The following SPMIP4 variants were observed in gnomAD, a reference collection of about 807,000 sequenced individuals.
The protein encoded by SPMIP4 is sperm microtubule inner protein 4.
chr7:25,153,774 A>G, the SPMIP4 span, among the ~76,000 whole-genome samples: 25 of 152,176 alleles, frequency 1.6e-4, no homozygotes, highest in Admixed American at 5.9e-4. Flanking sequence ...GTTCTTTTGC[A>G]TGGCACCATC....
At chr7:25,174,434 G>C in the SPMIP4 span, among the ~76,000 whole-genome samples, 2 of 152,156 alleles carry the variant, frequency 1.3e-5, no homozygotes, top group African/African-American at 4.8e-5. The surrounding 1 kb of genome is among the most constrained non-coding windows in gnomAD (Gnocchi z 4.5). Context: ...CTATAGATGA[G>C]CCAGTATTTC....
At chr7:25,133,032 T>C in the SPMIP4 span, among the ~76,000 whole-genome samples, 39 of 152,316 alleles carry the variant, frequency 2.6e-4, no homozygotes, top group East Asian at 7.5e-3. Context: ...TAGTAAAATA[T>C]CACTTTTTGC....
the SPMIP4 span, chr7:25,155,040 G>C: frequency 6.2e-7 from 1 of 1,613,994 alleles, no homozygotes; most frequent in Non-Finnish European, 8.5e-7. Flanking sequence ...TGAATCATAA[G>C]CCTTGGTTGG....
At chr7:25,130,529 G>A in the SPMIP4 span, among the ~76,000 whole-genome samples, 1 of 152,016 alleles carries the variant, frequency 6.6e-6, no homozygotes, top group Non-Finnish European at 1.5e-5. Flanking sequence ...AGCCAGACTG[G>A]TCTTGAACTC....
At chr7:25,173,511 G>GA in the SPMIP4 span, among the ~76,000 whole-genome samples, 1 of 152,160 alleles carries the variant, frequency 6.6e-6, no homozygotes, top group Non-Finnish European at 1.5e-5. This position sits in a 1 kb window ranked among gnomAD's most constrained non-coding sequence, Gnocchi z 4.4. Context: ...GCTCTTTACA[G>GA]AAAAAAAGTT....
the SPMIP4 span, among the ~76,000 whole-genome samples, chr7:25,138,229 T>C: frequency 1.2e-4 from 19 of 152,236 alleles, no homozygotes; most frequent in Admixed American, 1.1e-3. This position sits in a 1 kb window ranked among gnomAD's most constrained non-coding sequence, Gnocchi z 6.2. Context: ...TGTTGATCTA[T>C]TCCAGGGATC....
chr7:25,179,432 T>A, the SPMIP4 span: 1 of 993,338 alleles, frequency 1.0e-6, no homozygotes, highest in Non-Finnish European at 1.4e-6. Context: ...TGCACAGACG[T>A]CACAGGCTTC....
At chr7:25,143,983 G>C in the SPMIP4 span, among the ~76,000 whole-genome samples, 2 of 152,148 alleles carry the variant, frequency 1.3e-5, no homozygotes, top group African/African-American at 4.8e-5. Context: ...AGGGAGGGAG[G>C]GTGAAGACAA....
the SPMIP4 span, chr7:25,125,779 C>T: frequency 5.8e-6 from 2 of 345,038 alleles, no homozygotes; most frequent in South Asian, 1.2e-4. Context: ...TGTCCTACTA[C>T]CACGGCTGGC....
chr7:25,169,969 T>G, the SPMIP4 span, among the ~76,000 whole-genome samples: 2 of 152,228 alleles, frequency 1.3e-5, no homozygotes, highest in Admixed American at 1.3e-4. Flanking sequence ...TTTGGGTTAT[T>G]TTCACCTTTT....
the SPMIP4 span, chr7:25,136,490 C>A: frequency 6.2e-7 from 1 of 1,614,140 alleles, no homozygotes; most frequent in Non-Finnish European, 8.5e-7. This position sits in a 1 kb window ranked among gnomAD's most constrained non-coding sequence, Gnocchi z 5.7. Flanking sequence ...CTAGTTAGGT[C>A]TTTTGTTGGG....
chr7:25,162,392 A>G, the SPMIP4 span, among the ~76,000 whole-genome samples: 1 of 152,122 alleles, frequency 6.6e-6, no homozygotes, highest in African/African-American at 2.4e-5. Context: ...ATACTTGCAA[A>G]TATTAATAAA....
the SPMIP4 span, among the ~76,000 whole-genome samples, chr7:25,154,168 G>T: frequency 6.6e-6 from 1 of 152,172 alleles, no homozygotes; most frequent in Non-Finnish European, 1.5e-5. Flanking sequence ...GTTACTGTCT[G>T]CTAATAAGAC....
At chr7:25,136,659 T>C in the SPMIP4 span, 1 of 1,614,176 alleles carries the variant, frequency 6.2e-7, no homozygotes, top group African/African-American at 1.3e-5. The surrounding 1 kb of genome is among the most constrained non-coding windows in gnomAD (Gnocchi z 5.7). Context: ...TACACAAAAC[T>C]CTAGGAGTAC....
At chr7:25,136,330 C>T in the SPMIP4 span, 23 of 1,614,142 alleles carry the variant, frequency 1.4e-5, no homozygotes, top group African/African-American at 4.0e-5. The surrounding 1 kb of genome is among the most constrained non-coding windows in gnomAD (Gnocchi z 5.7). Flanking sequence ...ATACTGATCA[C>T]GTAGGGGAGA....
the SPMIP4 span, chr7:25,161,137 T>A: frequency 9.0e-6 from 10 of 1,109,882 alleles, no homozygotes; most frequent in Non-Finnish European, 1.3e-5. Flanking sequence ...ATAACTCATT[T>A]CCACTTAAAA....
chr7:25,142,261 T>G, the SPMIP4 span: 29 of 1,612,872 alleles, frequency 1.8e-5, no homozygotes, highest in Non-Finnish European at 2.5e-5. Context: ...TCAAATCCTA[T>G]CTTTCGTGTT....
the SPMIP4 span, among the ~76,000 whole-genome samples, chr7:25,158,843 A>G: frequency 6.7e-6 from 1 of 148,616 alleles, no homozygotes; most frequent in African/African-American, 2.6e-5. Flanking sequence ...TGACAGAGCA[A>G]AAGTCTGTCT....
the SPMIP4 span, among the ~76,000 whole-genome samples, chr7:25,133,707 G>A: frequency 6.6e-6 from 1 of 152,206 alleles, no homozygotes; most frequent in African/African-American, 2.4e-5. Flanking sequence ...GTGTTTGGAA[G>A]TATAATAGAA....
Sources: gnomAD v4.1 joint callset for allele counts (sites outside exome capture counted in the v4.1 genomes callset) on GRCh38, gnomAD v4.1.1 for gene constraint, Gnocchi (gnomAD v3.1) non-coding constraint, MANE v1.5 for transcripts, NCBI Gene and HGNC (gene_info 2026-07-23, HGNC 2026-07-21) for gene names.